EXOC6B: variants seen among roughly 807,000 people sequenced by gnomAD.
EXOC6B encodes SEC15 homolog B.
Under a neutral mutation model 113.5 loss-of-function variants are expected in EXOC6B, and 54 were observed. The ratio of observed to expected loss-of-function variants is 0.48; its 90% CI spans 0.38 to 0.60. EXOC6B has a LOEUF of 0.60. EXOC6B is among the 20% of genes least tolerant of loss of function. The pLI is 0.00. For synonymous variants in EXOC6B, 357 were observed against 339.0 expected (o/e 1.05, Z -0.58); for missense variants, 797 against 977.5 (o/e 0.82, Z 2.46).
At chr2:72,513,610 A>T (rs1701061147) in intron 10 of EXOC6B, among the ~76,000 whole-genome samples, 1 of 151,970 alleles carries the variant, frequency 6.6e-6, no homozygotes, top group Non-Finnish European at 1.5e-5. Context: ...TTTCAAAAAA[A>T]CAAATTTTAA....
In EXOC6B at chr2:72,634,945, CA is replaced by C. The variant is rs201983379; in HGVS notation, c.670-59278del. Among the ~76,000 whole-genome samples the C allele has an allele frequency of 2.1e-3, 291 of 136,602 alleles. 1 individual carries two copies. Among genetic ancestry groups the C allele is most frequent in the African/African-American group, 4.8e-3 (177 of 37,258 alleles). 89.6% of individuals were successfully genotyped at this position (136,602 alleles called of 152,430 possible). A position where few individuals can be genotyped will look rare whatever the true frequency, so the allele number is the denominator to read the frequency against. On this transcript the variant is annotated intron_variant, in intron 6 of 21. Transcript: ENST00000272427. Reference sequence around the variant, plus strand: ...AATGAATCTCCTACATGCTTGGAAACAAAAAAAAAAACTTCTAAATAATATA... The same window carrying C: ...AATGAATCTCCTACATGCTTGGAAACAAAAAAAAAACTTCTAAATAATATA...
At chr2:72,817,303 AAAG>A (rs1405109442) in intron 1 of EXOC6B, among the ~76,000 whole-genome samples, 5 of 152,240 alleles carry the variant, frequency 3.3e-5, no homozygotes, top group South Asian at 2.1e-4. Flanking sequence ...TGATGAAGAG[AAAG>A]AAGAACTATA....
At chr2:72,736,155 A>G (rs1325832193) in intron 2 of EXOC6B, among the ~76,000 whole-genome samples, 1 of 151,956 alleles carries the variant, frequency 6.6e-6, no homozygotes, top group Non-Finnish European at 1.5e-5. Flanking sequence ...ACTGCACTCC[A>G]GACTGGGTTG....
In EXOC6B at chr2:72,401,569, A is replaced by G. The variant is rs1387325277; in HGVS notation, c.1981-21699T>C. Among the ~76,000 whole-genome samples, 14 of 26,548 alleles carry G rather than the reference A, an allele frequency of 5.3e-4. 1 individual carries two copies. The highest frequency in any genetic ancestry group is 8.3e-4 in the East Asian group (1 of 1,204). The allele number at this position is 26,548 out of a possible 152,430, so 17.4% of individuals were successfully genotyped here. On this transcript the variant is annotated intron_variant, in intron 18 of 21. Transcript: ENST00000272427. Reference sequence around the variant, plus strand: ...TGTGTATATATATATATATATACATATATATATATATACATATATATATAT... The same window carrying G: ...TGTGTATATATATATATATATACATGTATATATATATACATATATATATAT...
chr2:72,533,920 TAAG>T (rs959119731), intron 8 of EXOC6B, among the ~76,000 whole-genome samples: 17 of 152,186 alleles, frequency 1.1e-4, no homozygotes, highest in African/African-American at 4.1e-4. Context: ...ATATGACTCA[TAAG>T]AACAGGCTTT....
At chr2:72,576,134 C>T (rs1160402844) in intron 6 of EXOC6B, among the ~76,000 whole-genome samples, 2 of 152,162 alleles carry the variant, frequency 1.3e-5, no homozygotes, top group East Asian at 3.9e-4. Context: ...AATTTTAATA[C>T]ATTTAGGCTT....
chr2:72,697,092 T>C lies in EXOC6B; in HGVS notation c.669+21011A>G, dbSNP rs1055387658. 2.7e-4 allele frequency among the ~76,000 whole-genome samples: 37 copies of C among 137,244 alleles called. 1 individual carries two copies. The highest frequency in any genetic ancestry group is 9.5e-4 in the African/African-American group (33 of 34,830). 90.0% of individuals were successfully genotyped at this position (137,244 alleles called of 152,430 possible). On this transcript the variant is annotated intron_variant, in intron 6 of 21. Coordinates refer to ENST00000272427, the MANE Select transcript of EXOC6B (RefSeq NM_015189.3). ...CTAATGAGAGTAGTACATGTGTGTATGATTTTTATATACAGATATAGATAT... is the reference window on the plus strand; with the variant it reads ...CTAATGAGAGTAGTACATGTGTGTACGATTTTTATATACAGATATAGATAT...
chr2:72,191,944 C>G (rs1249695201), intron 20 of EXOC6B, among the ~76,000 whole-genome samples: 3 of 152,148 alleles, frequency 2.0e-5, no homozygotes, highest in Non-Finnish European at 4.4e-5. Flanking sequence ...CTTAAGTTTT[C>G]TTTGGCAGAA....
rs548988308 is a variant in EXOC6B at position 72,311,266 on chromosome 2, G to A, written c.2196+23681C>T. Among the ~76,000 whole-genome samples the A allele has an allele frequency of 2.0e-5, 3 of 152,284 alleles. No homozygotes were observed. The East Asian group carries it at 5.8e-4, about 29-fold the overall frequency. On this transcript the variant is annotated intron_variant, in intron 20 of 21. Transcript: ENST00000272427. ...TGGCAAGGTTACATTCCTTTCTGGA[G>A]GCTCCAGGATAAGATATGTTTCCTT...
At chr2:72,255,990 T>C (rs1683331379) in intron 20 of EXOC6B, among the ~76,000 whole-genome samples, 1 of 152,240 alleles carries the variant, frequency 6.6e-6, no homozygotes, top group African/African-American at 2.4e-5. Context: ...AACAGGATCT[T>C]TGTAGATGTA....
In EXOC6B at chr2:72,741,396, C is replaced by A; in HGVS notation, c.187G>T (p.Glu63Ter). The A allele has an allele frequency of 1.2e-6, 2 of 1,613,754 alleles. No individual in the cohort carries two copies. Among genetic ancestry groups the A allele is most frequent in the Non-Finnish European group, 1.7e-6 (2 of 1,179,836 alleles). The stretch of plus-strand genomic sequence containing the variant: ...TGAAAGTTGCACATTTTCTCAATTT[C>A]TCGGTCGTGATTACGGATACGAGTT... The part of the protein sequence containing the change: ...LETRIRNHDR[E>*]IEKMCNFHYQ... Residue 63 changes from glutamate to a stop codon, truncating the protein, a stop_gained, in exon 2 of 22, where the codon GAA becomes TAA. Transcript: ENST00000272427. LOFTEE classifies it high-confidence loss of function.
chr2:72,798,455 A>G (rs1160234871), intron 1 of EXOC6B, among the ~76,000 whole-genome samples: 1 of 152,148 alleles, frequency 6.6e-6, no homozygotes, highest in Non-Finnish European at 1.5e-5. Flanking sequence ...CATGCGAGAC[A>G]TTTTTAATAC....
chr2:72,330,635 G>A (rs1379703433), intron 20 of EXOC6B, among the ~76,000 whole-genome samples: 1 of 151,832 alleles, frequency 6.6e-6, no homozygotes, highest in East Asian at 1.9e-4. Context: ...TCTACTTCAC[G>A]GCCTCTTTTT....
At chr2:72,259,720 C>T (rs181882398) in intron 20 of EXOC6B, among the ~76,000 whole-genome samples, 31 of 152,268 alleles carry the variant, frequency 2.0e-4, no homozygotes, top group Non-Finnish European at 3.7e-4. Flanking sequence ...CAGCCAGTGT[C>T]ACCCTAGCAT....
intron 8 of EXOC6B, among the ~76,000 whole-genome samples, chr2:72,519,712 A>C (rs1701391473): frequency 6.6e-6 from 1 of 152,144 alleles, no homozygotes. Context: ...ATGAGAATTG[A>C]CTATATTTGG....
chr2:72,817,688 T>G (rs958685765), intron 1 of EXOC6B, among the ~76,000 whole-genome samples: 4 of 152,236 alleles, frequency 2.6e-5, no homozygotes, highest in Non-Finnish European at 4.4e-5. Context: ...TTGTTCCCTA[T>G]CCCAATAATT....
intron 1 of EXOC6B, among the ~76,000 whole-genome samples, chr2:72,784,907 A>C (rs577780988): frequency 1.3e-5 from 2 of 152,266 alleles, no homozygotes; most frequent in South Asian, 4.1e-4. Flanking sequence ...CCACAGTCCA[A>C]AGTCTCATCT....
rs1421600479 is a variant in EXOC6B at position 72,203,247 on chromosome 2, C to A, written c.2197-19060G>T. 3.9e-5 allele frequency among the ~76,000 whole-genome samples: 6 copies of A among 152,128 alleles called. No individual in the cohort carries two copies. In the East Asian group the frequency reaches 1.2e-3, roughly 29 times the overall value. On this transcript the variant is annotated intron_variant, in intron 20 of 21. Transcript: ENST00000272427. ...CATTCTAAGAGAACCTTAAGAAGTCCTTTTCAATCAGTCCCAGGCACAATA... is the reference window on the plus strand; with the variant it reads ...CATTCTAAGAGAACCTTAAGAAGTCATTTTCAATCAGTCCCAGGCACAATA...
intron 8 of EXOC6B, among the ~76,000 whole-genome samples, chr2:72,537,394 C>T (rs1014626696): frequency 1.3e-5 from 2 of 151,402 alleles, no homozygotes; most frequent in Non-Finnish European, 2.9e-5. Context: ...ATTACTTTAA[C>T]CCAGGAGTTC....
Sources: gnomAD v4.1 joint callset for allele counts (sites outside exome capture counted in the v4.1 genomes callset) on GRCh38, gnomAD v4.1.1 for gene constraint, MANE v1.5 for transcripts, NCBI Gene and HGNC (gene_info 2026-07-23, HGNC 2026-07-21) for gene names.